CRIM1: variants seen among roughly 807,000 people sequenced by gnomAD.
CRIM1 encodes the protein cysteine rich transmembrane BMP regulator 1, also known as cysteine-rich motor neuron 1 protein.
Under a neutral mutation model 116.4 loss-of-function variants are expected in CRIM1, and 32 were observed. The ratio of observed to expected loss-of-function variants is 0.27; its 90% CI spans 0.21 to 0.37. CRIM1 has a LOEUF of 0.37. Ranked by LOEUF, CRIM1 falls within the 10% of genes least tolerant of loss-of-function variation. CRIM1 has a pLI of 1.00. For synonymous variants in CRIM1, 590 were observed against 509.2 expected (o/e 1.16, Z -2.13); for missense variants, 1,331 against 1,354.8 (o/e 0.98, Z 0.28).
chr2:36,532,640 C>T (rs1666192899), intron 13 of CRIM1, among the ~76,000 whole-genome samples: 1 of 152,188 alleles, frequency 6.6e-6, no homozygotes, highest in Admixed American at 6.5e-5. Flanking sequence ...CAAGTGGTCC[C>T]TCCACAGGTT....
intron 12 of CRIM1, among the ~76,000 whole-genome samples, chr2:36,518,189 A>G (rs1333914732): frequency 6.6e-6 from 1 of 152,232 alleles, no homozygotes; most frequent in East Asian, 1.9e-4. Flanking sequence ...GATGTTAATC[A>G]TAAGTTACTG....
intron 1 of CRIM1, among the ~76,000 whole-genome samples, chr2:36,360,643 T>C (rs2161903): frequency 0.41 from 62,391 of 152,000 alleles, 15,284 homozygotes; most frequent in Non-Finnish European, 0.56. Context: ...TCAGTGAAGA[T>C]GATGGCTGCT....
chr2:36,496,395 G>A (rs1012725631), intron 7 of CRIM1, among the ~76,000 whole-genome samples: 3 of 152,230 alleles, frequency 2.0e-5, no homozygotes, highest in Admixed American at 2.0e-4. Flanking sequence ...TGTGTTTAAT[G>A]TTAAATATTG....
chr2:36,504,957 A>G (rs1266372871), intron 8 of CRIM1, among the ~76,000 whole-genome samples: 2 of 152,202 alleles, frequency 1.3e-5, no homozygotes, highest in African/African-American at 2.4e-5. Flanking sequence ...TTTTCTAGAA[A>G]CTGATGCAGA....
At chr2:36,403,489 G>T (rs910403732) in intron 2 of CRIM1, among the ~76,000 whole-genome samples, 1 of 152,156 alleles carries the variant, frequency 6.6e-6, no homozygotes, top group Non-Finnish European at 1.5e-5. Context: ...ACTAGGAATT[G>T]GGTCCAACTC....
At chr2:36,420,951 C>G (rs1314981907) in intron 2 of CRIM1, among the ~76,000 whole-genome samples, 4 of 152,166 alleles carry the variant, frequency 2.6e-5, no homozygotes, top group African/African-American at 9.7e-5. Flanking sequence ...TTGCCTCATT[C>G]CACAGAGGCC....
intron 8 of CRIM1, among the ~76,000 whole-genome samples, chr2:36,499,701 CAT>C (rs1680853382): frequency 6.6e-6 from 1 of 152,166 alleles, no homozygotes; most frequent in Non-Finnish European, 1.5e-5. Flanking sequence ...TCACATTCCG[CAT>C]ATGACAGCCA....
intron 1 of CRIM1, among the ~76,000 whole-genome samples, chr2:36,359,620 T>C (rs960632992): frequency 6.6e-6 from 1 of 152,232 alleles, no homozygotes; most frequent in Non-Finnish European, 1.5e-5. Flanking sequence ...AAATATTTTC[T>C]GAATGATTAA....
At chr2:36,535,482 T>G (rs1456992021) in intron 13 of CRIM1, among the ~76,000 whole-genome samples, 2 of 152,162 alleles carry the variant, frequency 1.3e-5, no homozygotes, top group Non-Finnish European at 2.9e-5. Context: ...CATAGGGAAG[T>G]GCATTTTTTA....
chr2:36,495,471 A>AT (rs1395233806), intron 7 of CRIM1, among the ~76,000 whole-genome samples: 2,099 of 132,462 alleles, frequency 0.016, 18 homozygotes, highest in South Asian at 0.026. Context: ...TTATTTATTT[A>AT]TTTATTTTTT....
At chr2:36,399,000 G>A (rs941976641) in intron 2 of CRIM1, among the ~76,000 whole-genome samples, 2 of 152,136 alleles carry the variant, frequency 1.3e-5, no homozygotes, top group Non-Finnish European at 2.9e-5. Flanking sequence ...GAATAGTGAT[G>A]ATGATAGATT....
chr2:36,401,101 C>T (rs542850605), intron 2 of CRIM1, among the ~76,000 whole-genome samples: 17 of 152,066 alleles, frequency 1.1e-4, no homozygotes, highest in East Asian at 7.7e-4. Context: ...TTTTTTAAAA[C>T]GTGTGGAAGT....
chr2:36,517,840 G>A (rs952454627), intron 12 of CRIM1, among the ~76,000 whole-genome samples: 9 of 152,204 alleles, frequency 5.9e-5, no homozygotes, highest in Non-Finnish European at 1.2e-4. Flanking sequence ...CCTAAGTAGA[G>A]AAAGTCCCAC....
intron 1 of CRIM1, among the ~76,000 whole-genome samples, chr2:36,373,165 A>G (rs879483376): frequency 1.3e-5 from 2 of 152,116 alleles, no homozygotes; most frequent in East Asian, 1.9e-4. Context: ...TCATGATCCC[A>G]CAGTTAAATC....
At chr2:36,524,915 G>A (rs1470475222) in intron 13 of CRIM1, among the ~76,000 whole-genome samples, 2 of 152,042 alleles carry the variant, frequency 1.3e-5, no homozygotes, top group Non-Finnish European at 2.9e-5. Context: ...GCTCAAATTT[G>A]TGATTTTGAT....
Position 36,549,593 on chromosome 2 carries a change from T to C in CRIM1, c.*892T>C, listed in dbSNP as rs1048233622. ...GTTCTGTTATATTGTTGGTTGTTCA[T>C]AGTTTTTGTTGAAGCTCTAGCTTAA... On this transcript the variant is annotated 3_prime_UTR_variant, in exon 17 of 17. Coordinates refer to ENST00000280527, the MANE Select transcript of CRIM1 (RefSeq NM_016441.3). 2 of 152,678 alleles carry C rather than the reference T, an allele frequency of 1.3e-5. No homozygotes were observed. Among genetic ancestry groups the C allele is most frequent in the Non-Finnish European group, 2.9e-5 (2 of 68,006 alleles). The allele number at this position is 152,678 out of a possible 1,614,324, so 9.5% of individuals were successfully genotyped here.
intron 2 of CRIM1, among the ~76,000 whole-genome samples, chr2:36,429,231 G>A (rs1261554154): frequency 6.6e-6 from 1 of 152,208 alleles, no homozygotes. Flanking sequence ...TGTGAGAGCT[G>A]TTTCACCATA....
At position 36,356,686 on chromosome 2, in the gene CRIM1, T is replaced by A; in HGVS notation, c.331+63T>A. ...TGCGCCGCCCCCTCGGCGCTGGTTG[T>A]GCCGAACAAAGTTTGGGCGAGACTT... On this transcript the variant is annotated intron_variant, in intron 1 of 16. Coordinates refer to ENST00000280527, the MANE Select transcript of CRIM1 (RefSeq NM_016441.3). The surrounding 1 kb of genome is among the most constrained non-coding windows in gnomAD (Gnocchi z 4.3). 6.7e-7 allele frequency: 1 copy of A among 1,499,356 alleles called. No individual in the cohort carries two copies. Among genetic ancestry groups the A allele is most frequent in the Admixed American group, 2.0e-5 (1 of 51,174 alleles). The allele number at this position is 1,499,356 out of a possible 1,614,324, so 92.9% of individuals were successfully genotyped here.
intron 11 of CRIM1, 66 bp from the exon 12 acceptor site, chr2:36,517,261 C>A: frequency 7.6e-7 from 1 of 1,319,230 alleles, no homozygotes; most frequent in Non-Finnish European, 1.1e-6. Flanking sequence ...GCAAACAGCA[C>A]CAGGCTTTCA....
Sources: gnomAD v4.1 joint callset for allele counts (sites outside exome capture counted in the v4.1 genomes callset) on GRCh38, gnomAD v4.1.1 for gene constraint, Gnocchi (gnomAD v3.1) non-coding constraint, MANE v1.5 for transcripts, NCBI Gene and HGNC (gene_info 2026-07-23, HGNC 2026-07-21) for gene names.